GRK1: variants seen among roughly 807,000 people sequenced by gnomAD.
GRK1 encodes rhodopsin kinase GRK1.
Under a neutral mutation model 41.7 loss-of-function variants are expected in GRK1, and 28 were observed. The ratio of observed to expected loss-of-function variants is 0.67; its 90% confidence interval spans 0.50 to 0.92. GRK1 has a LOEUF of 0.92. GRK1 is among the 40% of genes least tolerant of loss of function. The probability of loss-of-function intolerance (pLI) is 0.00; values close to 1 mark genes in which losing one functional copy is unlikely to be tolerated. For synonymous variants in GRK1, 327 were observed against 286.7 expected (o/e 1.14, Z -1.42); for missense variants, 703 against 671.2 (o/e 1.05, Z -0.52).
rs771409971 is a variant in GRK1, at chr13:113,669,743, T to C, written c.756T>C (p.Ser252=). 6 of 1,613,998 alleles carry C rather than the reference T, an allele frequency of 3.7e-6. No homozygotes were observed. In the Admixed American group the frequency reaches 1.0e-4, roughly 27 times the overall value. The part of the protein sequence containing the change: ...LMKVHSRFIV[S]LAYAFETKAD... ...AAGTACACAGCAGGTTCATCGTGTC[T>C]CTGGCCTATGCGTTTGAAACCAAAG... The change falls in exon 2 of 7, where the codon TCT becomes TCC. Residue 252 remains serine (S), a synonymous_variant. Transcript: ENST00000335678.
chr13:113,650,497 C>T, the GRK1 span: 118 of 1,612,066 alleles, frequency 7.3e-5, no homozygotes, highest in Middle Eastern at 3.3e-4. The surrounding 1 kb of genome is among the most constrained non-coding windows in gnomAD (Gnocchi z 5.0). Context: ...GCCGAGCTCG[C>T]GGGGCTGGTC....
the GRK1 span, chr13:113,651,702 C>T: frequency 3.6e-5 from 58 of 1,613,634 alleles, no homozygotes; most frequent in Middle Eastern, 1.6e-4. Flanking sequence ...GGGGGCCGAG[C>T]CGTTGCTGGG....
the GRK1 span, among the ~76,000 whole-genome samples, chr13:113,655,169 T>A: frequency 6.6e-6 from 1 of 152,100 alleles, no homozygotes; most frequent in South Asian, 2.1e-4. Flanking sequence ...CGTCTGGACG[T>A]CCACATAGGC....
the GRK1 span, chr13:113,650,465 A>G: frequency 6.2e-7 from 1 of 1,613,872 alleles, no homozygotes; most frequent in Non-Finnish European, 8.5e-7. The surrounding 1 kb of genome is among the most constrained non-coding windows in gnomAD (Gnocchi z 5.0). Context: ...TTGGGAGGGT[A>G]GTACTTGACC....
In GRK1 at chr13:113,668,023, G is replaced by C; in HGVS notation, c.637G>C (p.Gly213Arg). Residue 213 changes from glycine to arginine, a missense_variant, in exon 1 of 7, where the codon GGC (glycine) becomes CGC (arginine). Coordinates refer to ENST00000335678, the MANE Select transcript of GRK1 (RefSeq NM_002929.3). Reference sequence around the variant, plus strand: ...GTCGGCCTGCCAGATGAAGGCGACCGGCAAGCTGTATGCCTGCAAGAAGCT... The same window carrying C: ...GTCGGCCTGCCAGATGAAGGCGACCCGCAAGCTGTATGCCTGCAAGAAGCT... ...EVSACQMKATGKLYACKKLNK... is the reference protein window; with the variant it reads ...EVSACQMKATRKLYACKKLNK... 1 of 1,611,608 alleles carries C rather than the reference G, an allele frequency of 6.2e-7. No homozygotes were observed. The highest frequency in any genetic ancestry group is 8.5e-7 in the Non-Finnish European group (1 of 1,179,028).
At chr13:113,655,685 G>A in the GRK1 span, among the ~76,000 whole-genome samples, 5 of 152,136 alleles carry the variant, frequency 3.3e-5, no homozygotes, top group Non-Finnish European at 5.9e-5. Context: ...GGGAGACACC[G>A]GCAGGAAGAG....
intron 4 of GRK1, among the ~76,000 whole-genome samples, chr13:113,726,688 AACTG>A (rs1274627612): frequency 6.6e-6 from 1 of 152,174 alleles, no homozygotes; most frequent in Non-Finnish European, 1.5e-5. Context: ...TTGGCCCAGG[AACTG>A]ACAGGAGCCT....
In GRK1 at chr13:113,733,758, CGTGT is replaced by C. The variant is rs571632551; in HGVS notation, c.1396+676_1396+679del. Among the ~76,000 whole-genome samples the C allele has an allele frequency of 1.6e-3, 146 of 91,880 alleles. 5 individuals are homozygous for C. The South Asian group carries it at 0.032, about 20-fold the overall frequency. 60.3% of individuals were successfully genotyped at this position (91,880 alleles called of 152,430 possible). Reference sequence around the variant, plus strand: ...GTGTATGTGTGCATACATGTGTGTGCGTGTGTATGTGTGTGCATACGTGTGTGCA... The same window carrying C: ...GTGTATGTGTGCATACATGTGTGTGCGTATGTGTGTGCATACGTGTGTGCA... On this transcript the variant is annotated intron_variant, in intron 6 of 6. Transcript: ENST00000335678.
chr13:113,731,287 G>A lies in GRK1; in HGVS notation c.1138G>A (p.Val380Ile). Residue 380 changes from valine (V) to isoleucine (I), a missense_variant, in exon 5 of 7, where the codon GTC (valine) becomes ATC (isoleucine). Transcript: ENST00000335678. The surrounding 1 kb of genome is among the most constrained non-coding windows in gnomAD (Gnocchi z 5.6). Reference sequence around the variant, plus strand: ...CTCCGTGGACTACTTTGCCCTGGGGGTCACCCTGTATGAGATGATTGCGGC... The same window carrying A: ...CTCCGTGGACTACTTTGCCCTGGGGATCACCCTGTATGAGATGATTGCGGC... ...DFSVDYFALG[V>I]TLYEMIAARG... The A allele has an allele frequency of 6.5e-7, 1 of 1,537,132 alleles. No homozygotes were observed. The highest frequency in any genetic ancestry group is 2.0e-5 in the Admixed American group (1 of 50,994).
chr13:113,723,379 G>A (rs2049868590), intron 4 of GRK1, among the ~76,000 whole-genome samples: 1 of 152,110 alleles, frequency 6.6e-6, no homozygotes, highest in Admixed American at 6.5e-5. Flanking sequence ...ATTTTGCTGA[G>A]GTTGAGGACG....
Position 113,735,130 on chromosome 13 carries a change from G to A in GRK1, c.1459G>A (p.Val487Met), listed in dbSNP as rs763036530. The change falls in exon 7 of 7, where the codon GTG becomes ATG. Residue 487 changes from valine to methionine, a missense_variant. Val to Met is a conservative substitution (Grantham distance 21). Coordinates refer to ENST00000335678, the MANE Select transcript of GRK1 (RefSeq NM_002929.3). ...KTVYAKDIQD[V>M]GAFSTVKGVA... ...TGTCTACGCAAAGGATATTCAGGACGTGGGTGCCTTTTCCACCGTCAAAGG... is the reference window on the plus strand; with the variant it reads ...TGTCTACGCAAAGGATATTCAGGACATGGGTGCCTTTTCCACCGTCAAAGG... 2.4e-5 allele frequency: 37 copies of A among 1,536,982 alleles called. No homozygotes were observed. In the South Asian group the frequency reaches 2.9e-4, roughly 12 times the overall value.
At chr13:113,733,118 G>A in intron 6 of GRK1, 33 bp downstream of exon 6, 2 of 1,521,570 alleles carry the variant, frequency 1.3e-6, no homozygotes, top group South Asian at 1.2e-5. Flanking sequence ...CGGAGAGGGT[G>A]GGGTTCTGTG....
chr13:113,669,812 C>T lies in GRK1; in HGVS notation c.825C>T (p.Ile275=). The T allele has an allele frequency of 1.9e-6, 3 of 1,613,872 alleles. No homozygotes were observed. ...LVMTIMNGGD[I]RYHIYNVNEE... is the part of the protein sequence containing the mutation. ...TGACCATCATGAACGGAGGTGACAT[C>T]AGGTAAGGGCTGGGCCAGAGGGCAC... The change falls in exon 2 of 7, where the codon ATC becomes ATT. Residue 275 remains isoleucine (I), a splice_region_variant and synonymous_variant. Coordinates refer to ENST00000335678, the MANE Select transcript of GRK1 (RefSeq NM_002929.3).
chr13:113,649,117 G>A, the GRK1 span: 54 of 320,900 alleles, frequency 1.7e-4, no homozygotes, highest in East Asian at 1.1e-3. This position sits in a 1 kb window ranked among gnomAD's most constrained non-coding sequence, Gnocchi z 4.7. Context: ...GCTGCCTTGC[G>A]TTCCCATGGT....
chr13:113,649,378 T>C, the GRK1 span: 2 of 1,593,688 alleles, frequency 1.3e-6, no homozygotes, highest in South Asian at 2.3e-5. The surrounding 1 kb of genome is among the most constrained non-coding windows in gnomAD (Gnocchi z 4.7). Flanking sequence ...ACCGTTTCAC[T>C]TCTCAATCTT....
At position 113,732,982 on chromosome 13, in the gene GRK1, G is replaced by A; in HGVS notation, c.1293G>A (p.Leu431=). The part of the protein sequence containing the change: ...QASKDFCEAL[L]EKDPEKRLGF... ...GCAAGGACTTCTGCGAGGCGCTGCT[G>A]GAGAAGGACCCGGAGAAGCGCCTGG... is the stretch of plus-strand genomic sequence containing the variant. Residue 431 remains leucine (L), a synonymous_variant, in exon 6 of 7, where the codon CTG becomes CTA. Transcript: ENST00000335678. 3 of 1,537,120 alleles carry A rather than the reference G, an allele frequency of 2.0e-6. No homozygotes were observed. Among genetic ancestry groups the A allele is most frequent in the African/African-American group, 1.4e-5 (1 of 73,180 alleles).
the GRK1 span, among the ~76,000 whole-genome samples, chr13:113,657,501 C>T: frequency 2.0e-5 from 3 of 152,206 alleles, no homozygotes; most frequent in East Asian, 1.9e-4. Context: ...TGTGCAGCCA[C>T]GGGGACAGGA....
chr13:113,737,426 AC>A lies in GRK1; in HGVS notation c.*2064del, dbSNP rs1410715021. The A allele has an allele frequency of 7.1e-4, 88 of 123,518 alleles. 6 individuals are homozygous for A. The highest frequency in any genetic ancestry group is 5.6e-3 in the Middle Eastern group (1 of 178). 7.7% of individuals were successfully genotyped at this position (123,518 alleles called of 1,614,324 possible). A position where few individuals can be genotyped will look rare whatever the true frequency, so the allele number is the denominator to read the frequency against. On this transcript the variant is annotated 3_prime_UTR_variant, in exon 7 of 7. Transcript: ENST00000335678. ...AGGAGCACGTCTTCCCATAGATCCC[AC>A]ATCGGCCACACCCTGGGTGAGGAGC...
rs368074730 is a variant in GRK1, at chr13:113,731,607, C to T, written c.1194+264C>T. On this transcript the variant is annotated intron_variant, in intron 5 of 6. Coordinates refer to ENST00000335678, the MANE Select transcript of GRK1 (RefSeq NM_002929.3). This position sits in a 1 kb window ranked among gnomAD's most constrained non-coding sequence, Gnocchi z 5.6. ...CACCCTGTGCCCCAGAGCAAGCAGA[C>T]CCTCCCACCAGACAGCACGCCACCA... Among the ~76,000 whole-genome samples, 217 of 152,298 alleles carry T rather than the reference C, an allele frequency of 1.4e-3. No homozygotes were observed. The highest frequency in any genetic ancestry group is 4.9e-3 in the African/African-American group (202 of 41,556).
Sources: allele counts gnomAD v4.1 joint callset (sites outside exome capture counted in the v4.1 genomes callset), GRCh38; gene constraint gnomAD v4.1.1; non-coding constraint Gnocchi (gnomAD v3.1); transcripts MANE v1.5; gene names NCBI Gene and HGNC (gene_info 2026-07-23, HGNC 2026-07-21).